SLIT2: variants seen among roughly 807,000 people sequenced by gnomAD.
The protein encoded by SLIT2 is slit guidance ligand 2.
A neutral mutation model predicts 185.7 loss-of-function variants in SLIT2; 41 were observed. The ratio of observed to expected loss-of-function variants is 0.22; its 90% CI spans 0.17 to 0.29. The LOEUF (loss-of-function observed/expected upper bound fraction) is 0.29, where lower values mean the gene tolerates loss of function less well. SLIT2 is among the 10% of genes least tolerant of loss of function. SLIT2 has a pLI of 1.00. For missense variants in SLIT2, 1,571 were observed against 1,909.0 expected (o/e 0.82, Z 3.30); for synonymous variants, 693 against 680.2 (o/e 1.02, Z -0.29).
At chr4:20,307,199 C>CTTCCTTCG (rs1560302525) in intron 4 of SLIT2, among the ~76,000 whole-genome samples, 3 of 110,636 alleles carry the variant, frequency 2.7e-5, no homozygotes, top group African/African-American at 1.0e-4. Context: ...TCCTTCTTTC[C>CTTCCTTCG]CTGACTCCCT....
chr4:20,527,496 G>A (rs1303008746), intron 15 of SLIT2, among the ~76,000 whole-genome samples: 1 of 152,112 alleles, frequency 6.6e-6, no homozygotes, highest in Non-Finnish European at 1.5e-5. Flanking sequence ...CCCGTCAGGT[G>A]AAATGGTCTT....
intron 29 of SLIT2, among the ~76,000 whole-genome samples, chr4:20,572,202 A>T (rs1725663087): frequency 6.6e-6 from 1 of 152,164 alleles, no homozygotes; most frequent in Non-Finnish European, 1.5e-5. Context: ...CTGTAACTTC[A>T]CCACCCTAGT....
At chr4:20,581,036 T>C (rs767707398) in intron 29 of SLIT2, among the ~76,000 whole-genome samples, 48 of 152,204 alleles carry the variant, frequency 3.2e-4, no homozygotes, top group Admixed American at 3.9e-4. Flanking sequence ...GATTTGGAAT[T>C]TACTACCTGT....
chr4:20,409,527 A>AATATACATGTGCATGT (rs1348689824), intron 4 of SLIT2, among the ~76,000 whole-genome samples: 2 of 152,162 alleles, frequency 1.3e-5, no homozygotes, highest in African/African-American at 4.8e-5. Context: ...GGCTTCAGTG[A>AATATACATGTGCATGT]ATATACATGT....
chr4:20,481,336 C>G (rs1355511), intron 6 of SLIT2, among the ~76,000 whole-genome samples: 28,829 of 152,014 alleles, frequency 0.19, 3,173 homozygotes, highest in Non-Finnish European at 0.25. Flanking sequence ...AATTGGCAAC[C>G]TCCTTTCCTC....
At chr4:20,278,654 A>C (rs565102556) in intron 4 of SLIT2, among the ~76,000 whole-genome samples, 3 of 152,220 alleles carry the variant, frequency 2.0e-5, no homozygotes, top group African/African-American at 7.2e-5. Flanking sequence ...AACAAAAAAA[A>C]CACAAAACAT....
At chr4:20,276,718 G>A (rs1714202335) in intron 4 of SLIT2, among the ~76,000 whole-genome samples, 1 of 152,170 alleles carries the variant, frequency 6.6e-6, no homozygotes, top group African/African-American at 2.4e-5. Context: ...CGAAGTATGT[G>A]AATAGCTGAG....
chr4:20,573,557 TC>T (rs1725812112), intron 29 of SLIT2, among the ~76,000 whole-genome samples: 1 of 152,198 alleles, frequency 6.6e-6, no homozygotes, highest in Non-Finnish European at 1.5e-5. Flanking sequence ...TTTTTAATTT[TC>T]TACTTGTCTA....
chr4:20,504,801 G>A lies in SLIT2; in HGVS notation c.915-5694G>A, dbSNP rs147120353. The stretch of plus-strand genomic sequence containing the variant: ...CACAGTTTTGCTCTACATGGTTTCC[G>A]TTACCCATGGTCAACCTCAGTCTGA... On this transcript the variant is annotated intron_variant, in intron 9 of 36. Coordinates refer to ENST00000504154, the MANE Select transcript of SLIT2 (RefSeq NM_004787.4). Among the ~76,000 whole-genome samples, 142 of 152,128 alleles carry A rather than the reference G, an allele frequency of 9.3e-4. 1 individual carries two copies. Among genetic ancestry groups the A allele is most frequent in the African/African-American group, 3.0e-3 (126 of 41,502 alleles).
chr4:20,575,921 T>C (rs1184440029), intron 29 of SLIT2, among the ~76,000 whole-genome samples: 4 of 152,016 alleles, frequency 2.6e-5, no homozygotes, highest in Admixed American at 1.3e-4. Context: ...AAGTTCGGGT[T>C]TCTCTTCCTG....
chr4:20,292,501 A>C (rs1358842887), intron 4 of SLIT2, among the ~76,000 whole-genome samples: 1 of 152,164 alleles, frequency 6.6e-6, no homozygotes, highest in Non-Finnish European at 1.5e-5. Context: ...AAAGAAGAAG[A>C]AGGAGAAGGA....
intron 4 of SLIT2, among the ~76,000 whole-genome samples, chr4:20,334,957 G>T (rs377124504): frequency 6.6e-6 from 1 of 152,142 alleles, no homozygotes; most frequent in Admixed American, 6.5e-5. Flanking sequence ...TTCAGGGATC[G>T]AATAAATAAA....
At chr4:20,311,099 A>C (rs1454044343) in intron 4 of SLIT2, among the ~76,000 whole-genome samples, 1 of 152,172 alleles carries the variant, frequency 6.6e-6, no homozygotes, top group South Asian at 2.1e-4. Flanking sequence ...ATTTTGCCCA[A>C]GCTGGTCTCA....
At chr4:20,338,336 T>C (rs573178858) in intron 4 of SLIT2, among the ~76,000 whole-genome samples, 1 of 152,306 alleles carries the variant, frequency 6.6e-6, no homozygotes, top group South Asian at 2.1e-4. Context: ...ATGACTTCTT[T>C]TTTGATGGCA....
rs1715521225 is a variant in SLIT2, at chr4:20,472,526, A to AGATATATC, written c.467+4703_467+4704insGATATATC. Among the ~76,000 whole-genome samples, 2 of 26,076 alleles carry AGATATATC rather than the reference A, an allele frequency of 7.7e-5. 1 individual carries two copies. Among genetic ancestry groups the AGATATATC allele is most frequent in the African/African-American group, 5.3e-4 (2 of 3,778 alleles). 17.1% of individuals were successfully genotyped at this position (26,076 alleles called of 152,430 possible). ...TCTATATATAGATAGATATATATCT[A>AGATATATC]TATATAGATATATCTATATCTATAT... On this transcript the variant is annotated intron_variant, in intron 5 of 36. Coordinates refer to ENST00000504154, the MANE Select transcript of SLIT2 (RefSeq NM_004787.4).
At chr4:20,291,131 T>C (rs1715771748) in intron 4 of SLIT2, among the ~76,000 whole-genome samples, 1 of 152,068 alleles carries the variant, frequency 6.6e-6, no homozygotes, top group South Asian at 2.1e-4. Flanking sequence ...CCCAGCACAA[T>C]GCCTGGCATA....
In SLIT2 at chr4:20,472,306, C is replaced by A. The variant is rs912866084; in HGVS notation, c.467+4483C>A. On this transcript the variant is annotated intron_variant, in intron 5 of 36. Coordinates refer to ENST00000504154, the MANE Select transcript of SLIT2 (RefSeq NM_004787.4). The stretch of plus-strand genomic sequence containing the variant: ...TATATAGATATATAGATATATAGAT[C>A]TATATATAGATATATATATCTATAT... Among the ~76,000 whole-genome samples, 41 of 17,466 alleles carry A rather than the reference C, an allele frequency of 2.3e-3. 3 individuals are homozygous for A. The highest frequency in any genetic ancestry group is 6.0e-3 in the African/African-American group (15 of 2,506). The allele number at this position is 17,466 out of a possible 152,430, so 11.5% of individuals were successfully genotyped here. A position where few individuals can be genotyped will look rare whatever the true frequency, so the allele number is the denominator to read the frequency against.
At chr4:20,348,521 T>A (rs1161092083) in intron 4 of SLIT2, among the ~76,000 whole-genome samples, 2 of 152,034 alleles carry the variant, frequency 1.3e-5, no homozygotes, top group African/African-American at 4.8e-5. Flanking sequence ...AGCGCTGGGA[T>A]TACAGACGTG....
intron 4 of SLIT2, among the ~76,000 whole-genome samples, chr4:20,381,425 T>A (rs1320676096): frequency 6.6e-6 from 1 of 152,158 alleles, no homozygotes. Flanking sequence ...TTAAGTAAAT[T>A]TCTTGGTCAA....
Sources: gnomAD v4.1 joint callset for allele counts (sites outside exome capture counted in the v4.1 genomes callset) on GRCh38, gnomAD v4.1.1 for gene constraint, MANE v1.5 for transcripts, NCBI Gene and HGNC (gene_info 2026-07-23, HGNC 2026-07-21) for gene names.